The following TRPC3 variants were observed in gnomAD, a reference collection of about 807,000 sequenced individuals.
The protein encoded by TRPC3 is short transient receptor potential channel 3.
A neutral mutation model predicts 90.9 loss-of-function variants in TRPC3; 54 were observed. That is an observed-to-expected ratio of 0.59 (90% confidence interval 0.48 to 0.75). TRPC3 has a LOEUF of 0.75. Ranked by LOEUF, TRPC3 falls within the 30% of genes least tolerant of loss-of-function variation. The pLI is 0.00. For missense variants in TRPC3, 918 were observed against 1,194.5 expected (o/e 0.77, Z 3.41); for synonymous variants, 424 against 450.9 (o/e 0.94, Z 0.75).
chr4:121,878,455 A>AGG lies in TRPC3; in HGVS notation c.*1280_*1281insCC, dbSNP rs5861542. 2.6e-5 allele frequency among the ~76,000 whole-genome samples: 4 copies of AGG among 151,390 alleles called. No homozygotes were observed. Among genetic ancestry groups the AGG allele is most frequent in the Admixed American group, 2.0e-4 (3 of 15,186 alleles). ...ACGACTTGACAGCAACTGACTGCAG[A>AGG]CTCAGGATGTTAAACATAACTCTAT... On this transcript the variant is annotated 3_prime_UTR_variant, in exon 12 of 12. Transcript: ENST00000379645.
chr4:121,891,796 T>C (rs1728337476), intron 10 of TRPC3, among the ~76,000 whole-genome samples: 1 of 152,214 alleles, frequency 6.6e-6, no homozygotes, highest in South Asian at 2.1e-4. Flanking sequence ...TTACTACCTT[T>C]AGCAACCCAA....
intron 10 of TRPC3, among the ~76,000 whole-genome samples, chr4:121,896,713 G>A (rs992905119): frequency 1.3e-5 from 2 of 151,416 alleles, no homozygotes; most frequent in Non-Finnish European, 1.5e-5. Flanking sequence ...AAATGACAAC[G>A]GTACTCAAAG....
At position 121,932,186 on chromosome 4, in the gene TRPC3, G is replaced by T; in HGVS notation, c.987+85C>A. On this transcript the variant is annotated intron_variant, in intron 2 of 11. Transcript: ENST00000379645. The surrounding 1 kb of genome is among the most constrained non-coding windows in gnomAD (Gnocchi z 7.7). ...CATTCACTGGGCAAAACCGAATGTG[G>T]AGCGAACGGTGGCAGAGCAGGCCAG... is the stretch of plus-strand genomic sequence containing the variant. 6.5e-7 allele frequency: 1 copy of T among 1,548,880 alleles called. No individual in the cohort carries two copies. The highest frequency in any genetic ancestry group is 8.7e-7 in the Non-Finnish European group (1 of 1,146,362).
At chr4:121,935,685 G>A (rs146621539) in intron 1 of TRPC3, among the ~76,000 whole-genome samples, 3,125 of 152,062 alleles carry the variant, frequency 0.021, 50 homozygotes, top group Middle Eastern at 0.071. Context: ...ATATATTGAT[G>A]AGAGGAAATA....
rs1258827898 is a variant in TRPC3 at position 121,948,854 on chromosome 4, T to G, written c.215+2612A>C. 8.5e-5 allele frequency among the ~76,000 whole-genome samples: 11 copies of G among 129,688 alleles called. No individual in the cohort carries two copies. In the East Asian group the frequency reaches 1.2e-3, roughly 14 times the overall value. 85.1% of individuals were successfully genotyped at this position (129,688 alleles called of 152,430 possible). A position where few individuals can be genotyped will look rare whatever the true frequency, so the allele number is the denominator to read the frequency against. ...AACTCTTTGCGGTTTTTTTTTTGTT[T>G]TTTTGTTTTTGTTGTTGTTGTTTTT... On this transcript the variant is annotated intron_variant, in intron 1 of 11. Transcript: ENST00000379645.
chr4:121,885,009 G>T (rs1030197672), intron 10 of TRPC3, among the ~76,000 whole-genome samples: 3 of 152,160 alleles, frequency 2.0e-5, no homozygotes, highest in Non-Finnish European at 4.4e-5. Context: ...AAAATTATGT[G>T]TATCAGTTGA....
chr4:121,900,233 T>C (rs1238746348), intron 9 of TRPC3, among the ~76,000 whole-genome samples: 1 of 152,250 alleles, frequency 6.6e-6, no homozygotes, highest in Non-Finnish European at 1.5e-5. Flanking sequence ...AATTTTGGTT[T>C]CCTTTTCTTT....
At chr4:121,919,941 T>C (rs1729445537) in intron 3 of TRPC3, among the ~76,000 whole-genome samples, 1 of 152,136 alleles carries the variant, frequency 6.6e-6, no homozygotes, top group South Asian at 2.1e-4. Flanking sequence ...GTTATTTCTA[T>C]GGTGGGGAGT....
At chr4:121,926,156 A>G (rs1729701835) in intron 2 of TRPC3, among the ~76,000 whole-genome samples, 1 of 152,222 alleles carries the variant, frequency 6.6e-6, no homozygotes, top group South Asian at 2.1e-4. Flanking sequence ...TGCAAAAACC[A>G]TAACCTTGCA....
chr4:121,881,690 T>C (rs1727949384), intron 11 of TRPC3, among the ~76,000 whole-genome samples: 1 of 152,146 alleles, frequency 6.6e-6, no homozygotes, highest in African/African-American at 2.4e-5. Flanking sequence ...GGCATCTCAT[T>C]GGTGTTGGAA....
rs546729889 is a variant in TRPC3, at chr4:121,906,321, G to A, written c.2057+982C>T. Among the ~76,000 whole-genome samples, 236 of 152,162 alleles carry A rather than the reference G, an allele frequency of 1.6e-3. 3 individuals carry two copies. The highest frequency in any genetic ancestry group is 6.8e-3 in the Middle Eastern group (2 of 294). On this transcript the variant is annotated intron_variant, in intron 7 of 11. Coordinates refer to ENST00000379645, the MANE Select transcript of TRPC3 (RefSeq NM_001130698.2). ...AATGGTCACATCCCTAGACAAAACA[G>A]TGAAGAAAATAGAATGTATAAAATG...
At chr4:121,903,480 A>G (rs1728772478) in intron 8 of TRPC3, among the ~76,000 whole-genome samples, 1 of 152,216 alleles carries the variant, frequency 6.6e-6, no homozygotes. Context: ...ACAGCATATT[A>G]TATTTCAAGG....
At chr4:121,895,188 C>A (rs1431247517) in intron 10 of TRPC3, among the ~76,000 whole-genome samples, 14 of 151,768 alleles carry the variant, frequency 9.2e-5, no homozygotes, top group African/African-American at 3.1e-4. Context: ...AAGTTTATAG[C>A]AATAAATGCC....
In TRPC3 at chr4:121,903,031, G is replaced by C; in HGVS notation, c.2284C>G (p.Arg762Gly). 1 of 1,612,620 alleles carries C rather than the reference G, an allele frequency of 6.2e-7. No individual in the cohort carries two copies. Among genetic ancestry groups the C allele is most frequent in the Non-Finnish European group, 8.5e-7 (1 of 1,179,448 alleles). Residue 762 changes from arginine (R) to glycine (G), a missense_variant, in exon 9 of 12, where the codon CGT becomes GGT. Around this residue, in one of 4 missense-constraint regions of TRPC3, gnomAD observed 121 missense variants for 135.7 expected, o/e 0.89. Transcript: ENST00000379645. ...AAATAGGATAACCAAAGTTTTGAAC[G>C]AGCAAACTTCCATTCTACATCACTG... Reference protein sequence around the residue: ...DDSDVEWKFARSKLWLSYFDD... With the variant: ...DDSDVEWKFAGSKLWLSYFDD...
chr4:121,907,083 G>A lies in TRPC3; in HGVS notation c.2057+220C>T, dbSNP rs114542765. ...CTTAAAATAGCCAGTTTTGTCTAGG[G>A]TTTTTCCAAATTCTGACCCATTCTG... On this transcript the variant is annotated intron_variant, in intron 7 of 11. Coordinates refer to ENST00000379645, the MANE Select transcript of TRPC3 (RefSeq NM_001130698.2). Among the ~76,000 whole-genome samples, 446 of 152,098 alleles carry A rather than the reference G, an allele frequency of 2.9e-3. 2 individuals are homozygous for A. The highest frequency in any genetic ancestry group is 0.01 in the African/African-American group (429 of 41,498).
chr4:121,937,647 T>A (rs75641516), intron 1 of TRPC3, among the ~76,000 whole-genome samples: 2 of 152,216 alleles, frequency 1.3e-5, no homozygotes, highest in South Asian at 2.1e-4. Context: ...TAGTATTCTT[T>A]GTACCTTTTA....
In TRPC3 at chr4:121,876,333, A is replaced by G. The variant is rs1400144734; in HGVS notation, c.*3403T>C. Among the ~76,000 whole-genome samples the G allele has an allele frequency of 6.6e-6, 1 of 152,190 alleles. No individual in the cohort carries two copies. Among genetic ancestry groups the G allele is most frequent in the African/African-American group, 2.4e-5 (1 of 41,438 alleles). On this transcript the variant is annotated 3_prime_UTR_variant, in exon 12 of 12. Coordinates refer to ENST00000379645, the MANE Select transcript of TRPC3 (RefSeq NM_001130698.2). Reference sequence around the variant, plus strand: ...AAAAAATTTAAAAAGACATGGAAAGAAAGATTACCACCTTGGATGATGACA... The same window carrying G: ...AAAAAATTTAAAAAGACATGGAAAGGAAGATTACCACCTTGGATGATGACA...
intron 3 of TRPC3, among the ~76,000 whole-genome samples, chr4:121,917,841 G>A (rs939900207): frequency 6.6e-6 from 1 of 152,192 alleles, no homozygotes; most frequent in African/African-American, 2.4e-5. Context: ...CATTAAATCA[G>A]ATTACCACTT....
chr4:121,910,339 T>C lies in TRPC3; in HGVS notation c.1607A>G (p.Glu536Gly). The C allele has an allele frequency of 6.2e-7, 1 of 1,613,768 alleles. No individual in the cohort carries two copies. Among genetic ancestry groups the C allele is most frequent in the Non-Finnish European group, 8.5e-7 (1 of 1,179,752 alleles). ...CACATTCCACAACTGCAAAATGTAT[T>C]CCCTAGGTCCTTCCAGCCAGAGCTC... ...CKELWLEGPR[E>G]YILQLWNVLD... Residue 536 changes from glutamate (E) to glycine (G), a missense_variant, in exon 6 of 12, where the codon GAA becomes GGA. Physicochemically the swap from Glu to Gly is moderately conservative, Grantham distance 98. This residue lies in a region of TRPC3 where 147 missense variants were observed against 263.5 expected (regional missense o/e 0.56). Coordinates refer to ENST00000379645, the MANE Select transcript of TRPC3 (RefSeq NM_001130698.2).
Sources: allele counts gnomAD v4.1 joint callset (sites outside exome capture counted in the v4.1 genomes callset), GRCh38; gene constraint gnomAD v4.1.1; regional missense constraint gnomAD v4.1.1; non-coding constraint Gnocchi (gnomAD v3.1); transcripts MANE v1.5; gene names NCBI Gene and HGNC (gene_info 2026-07-23, HGNC 2026-07-21).